Variants in MECOM observed in about 807,000 individuals in gnomAD.
MECOM encodes the protein histone-lysine N-methyltransferase MECOM.
In MECOM, 13 loss-of-function variants were observed where a neutral mutation model predicts 116.3. The observed-to-expected ratio is 0.11, with a 90% CI of 0.07 to 0.18. The LOEUF (loss-of-function observed/expected upper bound fraction) is 0.18. MECOM is among the 10% of genes least tolerant of loss of function. The pLI, the probability that MECOM is intolerant of heterozygous loss-of-function variation, is 1.00. For missense variants in MECOM, 1,299 were observed against 1,509.0 expected, an observed-to-expected ratio of 0.86 and a Z score of 2.31; for synonymous variants, 528 against 535.2, an observed-to-expected ratio of 0.99 and a Z score of 0.19.
At chr3:169,568,559 T>G (rs774729402) in intron 1 of MECOM, among the ~76,000 whole-genome samples, 4 of 152,168 alleles carry the variant, frequency 2.6e-5, no homozygotes, top group Non-Finnish European at 5.9e-5. Flanking sequence ...TTACTGAGGC[T>G]GGAGTAGGAA....
intron 2 of MECOM, among the ~76,000 whole-genome samples, chr3:169,165,115 C>T (rs1364170769): frequency 6.6e-6 from 1 of 152,114 alleles, no homozygotes; most frequent in Admixed American, 6.6e-5. Flanking sequence ...AGTGAAAGTT[C>T]TTAAATATTT....
intron 1 of MECOM, among the ~76,000 whole-genome samples, chr3:169,519,371 AAGATATAT>A (rs1429657917): frequency 1.3e-5 from 2 of 152,218 alleles, no homozygotes; most frequent in Non-Finnish European, 2.9e-5. Context: ...GTGTGTATCA[AAGATATAT>A]GAACTTTGAC....
chr3:169,635,387 TACAC>T (rs1266765081), intron 1 of MECOM, among the ~76,000 whole-genome samples: 1 of 152,178 alleles, frequency 6.6e-6, no homozygotes, highest in African/African-American at 2.4e-5. Flanking sequence ...CCGAGGTAAA[TACAC>T]ACACCCTGAT....
intron 2 of MECOM, among the ~76,000 whole-genome samples, chr3:169,212,636 G>GTATATA (rs61115570): frequency 2.7e-4 from 7 of 26,054 alleles, no homozygotes; most frequent in South Asian, 1.2e-3. Flanking sequence ...AGTCAGCAAT[G>GTATATA]TATATATATA....
At chr3:169,662,568 C>A (rs947975375) in intron 1 of MECOM, among the ~76,000 whole-genome samples, 6 of 151,944 alleles carry the variant, frequency 3.9e-5, no homozygotes, top group African/African-American at 7.2e-5. Context: ...CTGCTCTGCC[C>A]GTGCCCCCGC....
chr3:169,088,284 G>T (rs968175334), intron 16 of MECOM, among the ~76,000 whole-genome samples: 2 of 152,042 alleles, frequency 1.3e-5, no homozygotes, highest in African/African-American at 4.8e-5. Flanking sequence ...AAAAAGTACC[G>T]ACTTCCTTTA....
intron 1 of MECOM, among the ~76,000 whole-genome samples, chr3:169,435,259 T>G (rs1578093512): frequency 6.6e-6 from 1 of 152,334 alleles, no homozygotes; most frequent in East Asian, 1.9e-4. Context: ...GTAGAATTCA[T>G]TAATTTTTAT....
chr3:169,653,011 T>A (rs972939313), intron 1 of MECOM, among the ~76,000 whole-genome samples: 1 of 152,080 alleles, frequency 6.6e-6, no homozygotes, highest in South Asian at 2.1e-4. Flanking sequence ...CAATAACAAT[T>A]TGTGATTTAA....
At chr3:169,325,858 C>T (rs1308417462) in intron 2 of MECOM, among the ~76,000 whole-genome samples, 3 of 152,146 alleles carry the variant, frequency 2.0e-5, no homozygotes, top group Non-Finnish European at 4.4e-5. Flanking sequence ...TTGATTTCTA[C>T]GAAGAAGAAA....
At chr3:169,345,228 G>C (rs1428246437) in intron 2 of MECOM, among the ~76,000 whole-genome samples, 1 of 152,010 alleles carries the variant, frequency 6.6e-6, no homozygotes, top group African/African-American at 2.4e-5. Context: ...TACCTTCCCA[G>C]CAGCAGTACC....
intron 1 of MECOM, among the ~76,000 whole-genome samples, chr3:169,652,972 A>G (rs1163454983): frequency 2.6e-5 from 4 of 152,212 alleles, no homozygotes; most frequent in African/African-American, 4.8e-5. Flanking sequence ...GACATTCTCC[A>G]GAATCAGGTC....
At chr3:169,154,883 T>A (rs1032395249) in intron 2 of MECOM, among the ~76,000 whole-genome samples, 3 of 152,186 alleles carry the variant, frequency 2.0e-5, no homozygotes, top group African/African-American at 7.2e-5. Flanking sequence ...CCATTTTTTA[T>A]GTCTGCTGAT....
intron 1 of MECOM, among the ~76,000 whole-genome samples, chr3:169,416,508 C>T (rs1460582403): frequency 6.6e-6 from 1 of 150,652 alleles, no homozygotes; most frequent in Non-Finnish European, 1.5e-5. Flanking sequence ...TAGCAGAAGA[C>T]AAGAAATAAC....
chr3:169,458,264 C>G (rs1746844838), intron 1 of MECOM, among the ~76,000 whole-genome samples: 1 of 152,154 alleles, frequency 6.6e-6, no homozygotes, highest in African/African-American at 2.4e-5. Context: ...TTAATGGTAT[C>G]CCACTCATTT....
intron 2 of MECOM, chr3:169,147,047 T>C: frequency 1.0e-6 from 1 of 991,414 alleles, no homozygotes; most frequent in Non-Finnish European, 1.2e-6. Context: ...CCGGGTTTGG[T>C]GTGTTTTGGC....
chr3:169,249,350 G>A (rs1755973187), intron 2 of MECOM, among the ~76,000 whole-genome samples: 2 of 152,092 alleles, frequency 1.3e-5, no homozygotes, highest in Admixed American at 1.3e-4. Flanking sequence ...AATATTCAAA[G>A]AAAAAGACAG....
At chr3:169,472,555 AAAGAG>A (rs1560318228) in intron 1 of MECOM, among the ~76,000 whole-genome samples, 25 of 84,124 alleles carry the variant, frequency 3.0e-4, no homozygotes, top group Non-Finnish European at 3.3e-4. Context: ...AAGGAAAAGA[AAAGAG>A]AGGAGAGGAG....
At position 169,476,211 on chromosome 3, in the gene MECOM, C is replaced by A. The variant is rs1474501709; in HGVS notation, c.38-94687G>T. 2.0e-5 allele frequency among the ~76,000 whole-genome samples: 3 copies of A among 152,218 alleles called. No homozygotes were observed. In the East Asian group the frequency reaches 5.8e-4, roughly 29 times the overall value. ...GCCCACTAATAAAATGAAATGATAG[C>A]ATATGTGCTTTGTTTAATTTTGATG... is the stretch of plus-strand genomic sequence containing the variant. On this transcript the variant is annotated intron_variant, in intron 1 of 16. Coordinates refer to ENST00000651503, the MANE Select transcript of MECOM (RefSeq NM_004991.4).
At chr3:169,635,481 C>T (rs1034507893) in intron 1 of MECOM, among the ~76,000 whole-genome samples, 16 of 152,162 alleles carry the variant, frequency 1.1e-4, no homozygotes. Context: ...ATGCACCATG[C>T]ACTTAAAACA....
Sources: gnomAD v4.1 joint callset for allele counts (sites outside exome capture counted in the v4.1 genomes callset) on GRCh38, gnomAD v4.1.1 for gene constraint, MANE v1.5 for transcripts, NCBI Gene and HGNC (gene_info 2026-07-23, HGNC 2026-07-21) for gene names.